ANK2: variants seen among roughly 807,000 people sequenced by gnomAD.
ANK2 encodes the protein ankyrin-2.
Under a neutral mutation model 360.5 loss-of-function variants are expected in ANK2, and 83 were observed. The observed-to-expected ratio is 0.23, with a 90% CI of 0.19 to 0.28. The LOEUF (loss-of-function observed/expected upper bound fraction) is 0.28, where lower values mean the gene tolerates loss of function less well. ANK2 is among the 10% of genes least tolerant of loss of function. ANK2 has a pLI of 1.00. For missense variants in ANK2, 4,201 were observed against 4,795.7 expected, an observed-to-expected ratio of 0.88 and a Z score of 3.66; for synonymous variants, 1,740 against 1,759.5, an observed-to-expected ratio of 0.99 and a Z score of 0.28.
chr4:113,131,124 T>A (rs1430429722), intron 1 of ANK2, among the ~76,000 whole-genome samples: 1 of 152,198 alleles, frequency 6.6e-6, no homozygotes, highest in Non-Finnish European at 1.5e-5. Flanking sequence ...TATTAACTAC[T>A]AATCCTCCTG....
Position 113,356,811 on chromosome 4 carries a change from C to A in ANK2, c.8193C>A (p.Gly2731=). The change falls in exon 38 of 46, where the codon GGC becomes GGA. Residue 2731 remains glycine (G), a synonymous_variant. Transcript: ENST00000357077. The part of the protein sequence containing the change: ...KMNEDTQEEP[G]KSEEEKDSES... ...ATGAAGATACTCAGGAAGAGCCAGG[C>A]AAATCAGAAGAAGAAAAAGATTCTG... The A allele has an allele frequency of 6.2e-7, 1 of 1,614,056 alleles. No individual in the cohort carries two copies. Among genetic ancestry groups the A allele is most frequent in the Non-Finnish European group, 8.5e-7 (1 of 1,179,948 alleles).
the ANK2 span, among the ~76,000 whole-genome samples, chr4:112,809,738 G>A: frequency 1.3e-5 from 2 of 149,572 alleles, no homozygotes; most frequent in African/African-American, 2.5e-5. Context: ...AACAACTGAG[G>A]TGGGAGGATC....
intron 2 of ANK2, among the ~76,000 whole-genome samples, chr4:112,996,624 G>A (rs941268716): frequency 4.6e-5 from 7 of 151,766 alleles, no homozygotes; most frequent in Admixed American, 1.3e-4. Flanking sequence ...TTGTGGGTAC[G>A]TGGTATATTT....
intron 2 of ANK2, among the ~76,000 whole-genome samples, chr4:113,041,529 G>A (rs184856194): frequency 1.4e-4 from 21 of 152,200 alleles, no homozygotes; most frequent in Non-Finnish European, 2.8e-4. Flanking sequence ...CAGAGGAAGT[G>A]TGTTACATGG....
At chr4:113,086,330 G>A (rs1455646243) in intron 1 of ANK2, among the ~76,000 whole-genome samples, 3 of 152,092 alleles carry the variant, frequency 2.0e-5, no homozygotes, top group African/African-American at 4.8e-5. Context: ...TTAAAAATTC[G>A]AAAAGAGGTT....
chr4:112,944,344 G>A (rs2094426632), intron 2 of ANK2, among the ~76,000 whole-genome samples: 1 of 152,104 alleles, frequency 6.6e-6, no homozygotes, highest in Non-Finnish European at 1.5e-5. Context: ...TTTTGCAGTT[G>A]ACAGAACTGC....
Position 113,356,063 on chromosome 4 carries a change from T to A in ANK2, c.7445T>A (p.Ile2482Asn), listed in dbSNP as rs747318564. 4 of 1,613,988 alleles carry A rather than the reference T, an allele frequency of 2.5e-6. No individual in the cohort carries two copies. In the African/African-American group the frequency reaches 5.3e-5, roughly 22 times the overall value. ...SPVEPKMKAG[I>N]FPSHFPLPAA... ...GTTGAACCAAAGATGAAGGCTGGAA[T>A]TTTTCCAAGTCACTTTCCTCTTCCT... Residue 2482 changes from isoleucine to asparagine, a missense_variant, in exon 38 of 46, where the codon ATT becomes AAT. Ile to Asn is a moderately radical substitution (Grantham distance 149). Transcript: ENST00000357077.
intron 2 of ANK2, among the ~76,000 whole-genome samples, chr4:112,986,682 C>T (rs2044986483): frequency 6.6e-6 from 1 of 152,102 alleles, no homozygotes; most frequent in Non-Finnish European, 1.5e-5. Context: ...AGAGTGTTTA[C>T]TTCATAGGAG....
chr4:112,730,636 CAAAAAAA>C, the ANK2 span, among the ~76,000 whole-genome samples: 2 of 57,944 alleles, frequency 3.5e-5, no homozygotes, highest in African/African-American at 6.8e-5. Context: ...GACTCCATCT[CAAAAAAA>C]AAAAAAAAAA....
intron 1 of ANK2, among the ~76,000 whole-genome samples, chr4:112,885,591 T>C (rs1331210579): frequency 6.6e-6 from 1 of 151,026 alleles, no homozygotes; most frequent in East Asian, 2.0e-4. Context: ...GGTCAGGAGA[T>C]TGACACCATC....
At chr4:112,801,738 G>C in the ANK2 span, among the ~76,000 whole-genome samples, 1 of 152,220 alleles carries the variant, frequency 6.6e-6, no homozygotes, top group Non-Finnish European at 1.5e-5. Context: ...TTTGAGATCA[G>C]ATTGTGAGGG....
At chr4:112,947,906 T>C (rs1019098049) in intron 2 of ANK2, among the ~76,000 whole-genome samples, 5 of 152,232 alleles carry the variant, frequency 3.3e-5, no homozygotes, top group African/African-American at 1.2e-4. Context: ...TCCGTATTTC[T>C]GGAGAACAGA....
intron 1 of ANK2, among the ~76,000 whole-genome samples, chr4:112,820,381 T>C (rs183578315): frequency 1.1e-3 from 162 of 152,362 alleles, no homozygotes; most frequent in African/African-American, 3.5e-3. Flanking sequence ...ACACATCTGA[T>C]GAGTGACAGA....
At chr4:113,128,024 C>A (rs564963842) in intron 1 of ANK2, among the ~76,000 whole-genome samples, 2 of 152,222 alleles carry the variant, frequency 1.3e-5, no homozygotes, top group South Asian at 4.1e-4. Flanking sequence ...ATTTCATGTG[C>A]AAGTCAGAAG....
chr4:112,991,982 G>A lies in ANK2; in HGVS notation c.21+87468G>A, dbSNP rs1214710591. 4.6e-5 allele frequency among the ~76,000 whole-genome samples: 7 copies of A among 151,800 alleles called. No individual in the cohort carries two copies. In the East Asian group the frequency reaches 7.7e-4, roughly 17 times the overall value. Reference sequence around the variant, plus strand: ...TTCTACATTTTGTACATTATTTTACGTATTCTCTGAGAAGATGGAAACTTT... The same window carrying A: ...TTCTACATTTTGTACATTATTTTACATATTCTCTGAGAAGATGGAAACTTT... On this transcript the variant is annotated intron_variant, in intron 2 of 30. Transcript: ENST00000503271.
At chr4:113,099,763 T>G (rs1454292931) in intron 1 of ANK2, among the ~76,000 whole-genome samples, 1 of 151,976 alleles carries the variant, frequency 6.6e-6, no homozygotes, top group Non-Finnish European at 1.5e-5. Context: ...GTGGTACTGG[T>G]GAAAGAATTA....
At chr4:112,932,573 C>CT (rs551444301) in intron 2 of ANK2, among the ~76,000 whole-genome samples, 23 of 143,986 alleles carry the variant, frequency 1.6e-4, no homozygotes, top group Middle Eastern at 7.1e-3. Context: ...GCAGCTGTGA[C>CT]TTTTTTTTTT....
At chr4:113,208,212 G>A (rs1180029173) in intron 4 of ANK2, among the ~76,000 whole-genome samples, 1 of 151,954 alleles carries the variant, frequency 6.6e-6, no homozygotes, top group African/African-American at 2.4e-5. Flanking sequence ...AGAACAAGTC[G>A]AAGGGAGTCA....
chr4:112,873,540 CTT>C (rs556434015), intron 1 of ANK2, among the ~76,000 whole-genome samples: 1,489 of 139,834 alleles, frequency 0.011, 16 homozygotes, highest in African/African-American at 0.027. Context: ...CTTTTTCTTT[CTT>C]TTTTTTTTTT....
Sources: allele counts gnomAD v4.1 joint callset (sites outside exome capture counted in the v4.1 genomes callset), GRCh38; gene constraint gnomAD v4.1.1; transcripts MANE v1.5; gene names NCBI Gene and HGNC (gene_info 2026-07-23, HGNC 2026-07-21).